Variants in MCC observed in about 807,000 individuals in gnomAD.
The protein encoded by MCC is colorectal mutant cancer protein.
In MCC, 90 loss-of-function variants were observed where a neutral mutation model predicts 116.2. The ratio of observed to expected loss-of-function variants is 0.77; its 90% CI spans 0.65 to 0.92. The LOEUF (loss-of-function observed/expected upper bound fraction) is 0.92. MCC is among the 40% of genes least tolerant of loss of function. The pLI is 0.00. For missense variants in MCC, 1,516 were observed against 1,312.2 expected (o/e 1.16, Z -2.40); for synonymous variants, 578 against 510.5 (o/e 1.13, Z -1.78).
At chr5:113,390,289 C>T (rs1769371294) in intron 1 of MCC, among the ~76,000 whole-genome samples, 1 of 152,092 alleles carries the variant, frequency 6.6e-6, no homozygotes, top group African/African-American at 2.4e-5. Context: ...GTTACAAATG[C>T]TTTAAAAGGT....
chr5:113,211,201 G>C (rs1047391932), intron 3 of MCC, among the ~76,000 whole-genome samples: 19 of 152,180 alleles, frequency 1.2e-4, no homozygotes, highest in African/African-American at 4.6e-4. Context: ...ACCCCAGAGA[G>C]CTCGCTTGTC....
chr5:113,412,713 G>T (rs1296466784), intron 1 of MCC, among the ~76,000 whole-genome samples: 3 of 152,188 alleles, frequency 2.0e-5, no homozygotes, highest in African/African-American at 7.2e-5. Flanking sequence ...CATGTCATCT[G>T]TAAACAGGGA....
intron 8 of MCC, among the ~76,000 whole-genome samples, chr5:113,091,024 AGTC>A (rs1755590792): frequency 6.6e-6 from 1 of 152,180 alleles, no homozygotes; most frequent in Non-Finnish European, 1.5e-5. Context: ...GGCGCCTGCT[AGTC>A]TAGCTGCTTG....
chr5:113,309,704 C>T (rs148928014), intron 3 of MCC, among the ~76,000 whole-genome samples: 66 of 152,248 alleles, frequency 4.3e-4, no homozygotes, highest in African/African-American at 1.5e-3. Context: ...ATGCAGGTGT[C>T]TTATTTATAT....
At chr5:113,147,001 T>C (rs1376908649) in intron 4 of MCC, among the ~76,000 whole-genome samples, 1 of 152,208 alleles carries the variant, frequency 6.6e-6, no homozygotes, top group Non-Finnish European at 1.5e-5. Context: ...CTACAGACTT[T>C]CAGTTTGAAA....
intron 1 of MCC, among the ~76,000 whole-genome samples, chr5:113,469,713 C>G (rs1316659261): frequency 6.6e-6 from 1 of 152,148 alleles, no homozygotes; most frequent in East Asian, 1.9e-4. Context: ...TGGTGCAGAG[C>G]TGAGTTCAAT....
intron 3 of MCC, among the ~76,000 whole-genome samples, chr5:113,233,587 G>C (rs576114254): frequency 1.3e-5 from 2 of 152,166 alleles, no homozygotes; most frequent in African/African-American, 4.8e-5. Flanking sequence ...GTGATTTATA[G>C]TTTTGGGGTG....
At chr5:113,260,202 G>A (rs935814734) in intron 3 of MCC, among the ~76,000 whole-genome samples, 1 of 151,920 alleles carries the variant, frequency 6.6e-6, no homozygotes, top group African/African-American at 2.4e-5. Context: ...TGTTATGTGG[G>A]TTATATCCAC....
chr5:113,153,883 GACTTGCTTACTCAAGGTCTCAC>G (rs1366927746), intron 3 of MCC, among the ~76,000 whole-genome samples: 1 of 152,218 alleles, frequency 6.6e-6, no homozygotes, highest in Non-Finnish European at 1.5e-5. Context: ...TCCAGAGACT[GACTTGCTTACTCAAGGTCTCAC>G]AGTCAGCTGA....
intron 3 of MCC, among the ~76,000 whole-genome samples, chr5:113,324,129 A>C (rs1017653255): frequency 6.6e-6 from 1 of 152,146 alleles, no homozygotes; most frequent in African/African-American, 2.4e-5. Context: ...GACAGGAGAG[A>C]GCAATGAGGA....
Position 113,458,462 on chromosome 5 carries a change from C to T in MCC, c.170+29783G>A, listed in dbSNP as rs188211760. 2.3e-3 allele frequency among the ~76,000 whole-genome samples: 353 copies of T among 152,152 alleles called. 1 individual carries two copies. The highest frequency in any genetic ancestry group is 5.9e-3 in the Admixed American group (90 of 15,286). On this transcript the variant is annotated intron_variant, in intron 1 of 18. Transcript: ENST00000408903. ...TCAGAAGGAACAAACTCCAGACGCG[C>T]CACCTTAAGAGCTGTAACACTCACC...
At chr5:113,095,414 T>C (rs1755944098) in intron 8 of MCC, among the ~76,000 whole-genome samples, 1 of 152,232 alleles carries the variant, frequency 6.6e-6, no homozygotes, top group African/African-American at 2.4e-5. Flanking sequence ...ATAGTACCTA[T>C]CAGCTAGGAT....
intron 3 of MCC, among the ~76,000 whole-genome samples, chr5:113,293,802 C>T (rs963158471): frequency 3.3e-5 from 5 of 152,128 alleles, no homozygotes; most frequent in Admixed American, 6.5e-5. Context: ...CAGACCCCTC[C>T]CCAGCGCGGG....
intron 3 of MCC, among the ~76,000 whole-genome samples, chr5:113,339,285 T>C (rs1275760474): frequency 6.6e-6 from 1 of 152,028 alleles, no homozygotes; most frequent in Non-Finnish European, 1.5e-5. Flanking sequence ...AGAGTAATCA[T>C]ATACCCCACA....
intron 8 of MCC, among the ~76,000 whole-genome samples, chr5:113,098,210 C>T (rs1487347270): frequency 2.0e-5 from 3 of 152,166 alleles, no homozygotes; most frequent in Non-Finnish European, 4.4e-5. Context: ...CTGACTTAAA[C>T]AATGTAGCTA....
At chr5:113,423,689 C>T (rs1369096871) in intron 1 of MCC, among the ~76,000 whole-genome samples, 4 of 152,118 alleles carry the variant, frequency 2.6e-5, no homozygotes, top group African/African-American at 7.2e-5. Context: ...ATGCAGGTGA[C>T]GTTCATAACA....
At position 113,043,570 on chromosome 5, in the gene MCC, C is replaced by T. The variant is rs1445903770; in HGVS notation, c.2716G>A (p.Glu906Lys). The change falls in exon 17 of 19, where the codon GAG (glutamate) becomes AAG (lysine). Residue 906 changes from glutamate (E) to lysine (K), a missense_variant. By Grantham distance (56) the Glu-to-Lys change is moderately conservative. Coordinates refer to ENST00000408903, the MANE Select transcript of MCC (RefSeq NM_001085377.2). ...GTGAACTCCGCAGCCAGCTCATTCT[C>T]GCTGCACGTTGTCCTGAGTTCGGCT... ...SLAELRTTCS[E>K]NELAAEFTNA... The T allele has an allele frequency of 1.9e-6, 3 of 1,614,170 alleles. No homozygotes were observed. Among genetic ancestry groups the T allele is most frequent in the Admixed American group, 3.3e-5 (2 of 60,012 alleles).
chr5:113,039,214 T>C (rs531151342), intron 17 of MCC, among the ~76,000 whole-genome samples: 11 of 152,280 alleles, frequency 7.2e-5, no homozygotes, highest in Non-Finnish European at 1.5e-4. Flanking sequence ...TAAAAAGATA[T>C]TTTTTACTTA....
At chr5:113,338,405 G>A (rs1365439777) in intron 3 of MCC, among the ~76,000 whole-genome samples, 1 of 152,196 alleles carries the variant, frequency 6.6e-6, no homozygotes, top group Non-Finnish European at 1.5e-5. Flanking sequence ...CCCAAGGGCT[G>A]AGCTGGCCTC....
Sources: gnomAD v4.1 joint callset for allele counts (sites outside exome capture counted in the v4.1 genomes callset) on GRCh38, gnomAD v4.1.1 for gene constraint, MANE v1.5 for transcripts, NCBI Gene and HGNC (gene_info 2026-07-23, HGNC 2026-07-21) for gene names.